Variants in GRIP1 observed in about 807,000 individuals in gnomAD.
GRIP1 encodes the protein glutamate receptor-interacting protein 1.
Under a neutral mutation model 129.9 loss-of-function variants are expected in GRIP1, and 45 were observed. The observed-to-expected ratio is 0.35, with a 90% confidence interval of 0.27 to 0.44. GRIP1 has a LOEUF of 0.44. Among genes scored for constraint, GRIP1 ranks in the 20% least tolerant of loss-of-function variants. The pLI, the probability that GRIP1 is intolerant of heterozygous loss-of-function variation, is 1.00. For synonymous variants in GRIP1, 530 were observed against 520.8 expected (o/e 1.02, Z -0.24); for missense variants, 1,196 against 1,396.8 (o/e 0.86, Z 2.29).
intron 1 of GRIP1, among the ~76,000 whole-genome samples, chr12:66,829,239 A>G (rs959973120): frequency 6.6e-6 from 1 of 152,154 alleles, no homozygotes; most frequent in Admixed American, 6.5e-5. Flanking sequence ...CAGACCCACA[A>G]AAGAGGAGGA....
chr12:66,784,660 A>G (rs1566020580), intron 1 of GRIP1, among the ~76,000 whole-genome samples: 2 of 152,198 alleles, frequency 1.3e-5, no homozygotes, highest in Non-Finnish European at 2.9e-5. Flanking sequence ...TGGTCACAGG[A>G]AAGATGTTAC....
chr12:66,645,020 G>A (rs2032242416), intron 1 of GRIP1, among the ~76,000 whole-genome samples: 1 of 152,104 alleles, frequency 6.6e-6, no homozygotes, highest in Non-Finnish European at 1.5e-5. Context: ...TATTATTAGA[G>A]GAATTTATTT....
chr12:66,648,815 C>T (rs978058113), intron 1 of GRIP1, among the ~76,000 whole-genome samples: 8 of 152,270 alleles, frequency 5.3e-5, no homozygotes, highest in Non-Finnish European at 1.0e-4. Context: ...GATTTAAAGA[C>T]GTTTTCTATA....
intron 1 of GRIP1, among the ~76,000 whole-genome samples, chr12:66,779,014 C>T (rs939632147): frequency 1.3e-5 from 2 of 152,146 alleles, no homozygotes; most frequent in African/African-American, 2.4e-5. Context: ...GGCCACATAG[C>T]TTTGGGAGCA....
chr12:66,446,610 A>T (rs896001059), intron 11 of GRIP1, among the ~76,000 whole-genome samples: 6 of 152,168 alleles, frequency 3.9e-5, no homozygotes, highest in Non-Finnish European at 8.8e-5. Context: ...TTTCAAGCCC[A>T]TAATCTACTT....
At chr12:66,943,767 C>T (rs2041624996) in intron 1 of GRIP1, among the ~76,000 whole-genome samples, 1 of 152,082 alleles carries the variant, frequency 6.6e-6, no homozygotes, top group African/African-American at 2.4e-5. Flanking sequence ...GTCCTGTGGT[C>T]CCTAAAAATG....
intron 7 of GRIP1, among the ~76,000 whole-genome samples, chr12:66,483,064 C>T (rs932759501): frequency 6.6e-6 from 1 of 152,176 alleles, no homozygotes; most frequent in African/African-American, 2.4e-5. Context: ...AGTTTTCCCA[C>T]TTCTGAGTCC....
chr12:66,392,172 T>C, intron 19 of GRIP1, 136 bp downstream of exon 19: 1 of 667,760 alleles, frequency 1.5e-6, no homozygotes. Context: ...ATTCAATGTG[T>C]TCAATATGAT....
chr12:66,763,006 A>T (rs186595784), intron 1 of GRIP1, among the ~76,000 whole-genome samples: 1 of 152,324 alleles, frequency 6.6e-6, no homozygotes, highest in East Asian at 1.9e-4. Context: ...TATTCTGTTT[A>T]CAGAAGCCAT....
intron 7 of GRIP1, among the ~76,000 whole-genome samples, chr12:66,487,352 A>G (rs1348933582): frequency 1.3e-5 from 2 of 152,224 alleles, no homozygotes; most frequent in East Asian, 3.9e-4. Flanking sequence ...ATAATTTCCA[A>G]CCCAGAATTT....
rs1162044827 is a variant in GRIP1, at chr12:66,760,035, T to C, written c.-420+44018A>G. 2.0e-5 allele frequency among the ~76,000 whole-genome samples: 3 copies of C among 152,080 alleles called. No individual in the cohort carries two copies. In the East Asian group the frequency reaches 5.8e-4, roughly 29 times the overall value. ...ATGCCTGGCTAAGTTTTTGTGTTTT[T>C]AGTAGAGATGGGGTTTCACTGTGTT... On this transcript the variant is annotated intron_variant, in intron 1 of 4. Coordinates refer to the GRIP1 transcript ENST00000538373.
At chr12:66,782,160 G>C (rs2038181535) in intron 1 of GRIP1, among the ~76,000 whole-genome samples, 2 of 152,064 alleles carry the variant, frequency 1.3e-5, no homozygotes, top group African/African-American at 4.8e-5. Flanking sequence ...AATTCATTAA[G>C]TTGTACACTT....
chr12:66,804,062 G>A, exon 1 of GRIP1: 1 of 455,018 alleles, frequency 2.2e-6, no homozygotes, highest in South Asian at 1.6e-5. Context: ...CTTCGAAAAT[G>A]CTCTGAAGCG....
chr12:67,039,018 AAC>A (rs10562551), intron 1 of GRIP1, among the ~76,000 whole-genome samples: 9,608 of 148,914 alleles, frequency 0.065, 313 homozygotes, highest in Admixed American at 0.076. Context: ...ACAAATAATA[AAC>A]ACACACACAC....
At chr12:66,516,011 T>C (rs1208345663) in intron 6 of GRIP1, among the ~76,000 whole-genome samples, 1 of 152,128 alleles carries the variant, frequency 6.6e-6, no homozygotes, top group Non-Finnish European at 1.5e-5. Context: ...TACCCACAGG[T>C]AATTCTTGGA....
At chr12:66,432,990 C>T (rs546768632) in intron 13 of GRIP1, among the ~76,000 whole-genome samples, 130 of 152,258 alleles carry the variant, frequency 8.5e-4, no homozygotes, top group Admixed American at 2.7e-3. Flanking sequence ...CTAGGTGAAT[C>T]TCAGGCATAG....
At chr12:66,808,333 G>C (rs766985306), upstream of GRIP1, among the ~76,000 whole-genome samples, 1 of 151,886 alleles carries the variant, frequency 6.6e-6, no homozygotes. Context: ...ACTCTAGCTC[G>C]GTCACCCAGG....
intron 15 of GRIP1, among the ~76,000 whole-genome samples, chr12:66,414,196 C>T (rs546814552): frequency 1.3e-5 from 2 of 152,220 alleles, no homozygotes; most frequent in African/African-American, 2.4e-5. Context: ...TAGAAAACCG[C>T]ATCATCTCAG....
intron 7 of GRIP1, among the ~76,000 whole-genome samples, chr12:66,500,855 A>C (rs909233029): frequency 2.6e-5 from 4 of 152,216 alleles, no homozygotes; most frequent in Non-Finnish European, 4.4e-5. Context: ...TACAGAAAGA[A>C]GACATTGTAT....
Sources: allele counts gnomAD v4.1 joint callset (sites outside exome capture counted in the v4.1 genomes callset), GRCh38; gene constraint gnomAD v4.1.1; transcripts MANE v1.5; gene names NCBI Gene and HGNC (gene_info 2026-07-23, HGNC 2026-07-21).